The following PIK3R5 variants were observed in gnomAD, a reference collection of about 807,000 sequenced individuals.
PIK3R5 encodes phosphoinositide-3-kinase regulatory subunit 5, also known as phosphoinositide 3-kinase regulatory subunit 5.
PIK3R5 carries 32 observed loss-of-function variants against 94.9 expected under a neutral mutation model. The observed-to-expected ratio is 0.34, with a 90% confidence interval of 0.25 to 0.45. The LOEUF is 0.45. Among genes scored for constraint, PIK3R5 ranks in the 20% least tolerant of loss-of-function variants. The pLI is 1.00. For synonymous variants in PIK3R5, 443 were observed against 479.4 expected (o/e 0.92, Z 0.99); for missense variants, 853 against 1,144.6 (o/e 0.75, Z 3.68).
At chr17:8,950,322 C>T (rs1040634462) in intron 1 of PIK3R5, among the ~76,000 whole-genome samples, 4 of 152,182 alleles carry the variant, frequency 2.6e-5, no homozygotes, top group African/African-American at 4.8e-5. Context: ...ATAAAATTTA[C>T]GATTGTAAGT....
At chr17:8,886,198 C>T in intron 14 of PIK3R5, 31 bp downstream of exon 14, 1 of 1,551,368 alleles carries the variant, frequency 6.4e-7, no homozygotes. Context: ...GGCCCCGCCT[C>T]ACCGTCTGTC....
chr17:8,882,864 A>T lies in PIK3R5; in HGVS notation c.2206-983T>A, dbSNP rs2089714637. ...AGCTCTGCCACCACTACCCTAGTGC[A>T]GGCTGCTGCCCTAATTTCTCTTCTG... On this transcript the variant is annotated intron_variant, in intron 15 of 18. Transcript: ENST00000447110. This position sits in a 1 kb window ranked among gnomAD's most constrained non-coding sequence, Gnocchi z 4.1. Among the ~76,000 whole-genome samples the T allele has an allele frequency of 1.4e-5, 2 of 145,696 alleles. No homozygotes were observed. Among genetic ancestry groups the T allele is most frequent in the South Asian group, 4.4e-4 (2 of 4,514 alleles).
At position 8,911,675 on chromosome 17, in the gene PIK3R5, G is replaced by C; in HGVS notation, c.-13-168C>G. On this transcript the variant is annotated intron_variant, in intron 1 of 18. Transcript: ENST00000447110. The surrounding 1 kb of genome is among the most constrained non-coding windows in gnomAD (Gnocchi z 5.3). ...GGCCTTACAGCTGCCTCCAGGGTAGGAATGGCATCTGGAGGGCCACATCTG... is the reference window on the plus strand; with the variant it reads ...GGCCTTACAGCTGCCTCCAGGGTAGCAATGGCATCTGGAGGGCCACATCTG... The C allele has an allele frequency of 3.5e-6, 2 of 574,272 alleles. No individual in the cohort carries two copies. The highest frequency in any genetic ancestry group is 6.2e-6 in the Non-Finnish European group (2 of 320,276). 35.6% of individuals were successfully genotyped at this position (574,272 alleles called of 1,614,324 possible).
chr17:8,935,826 G>A lies in PIK3R5; in HGVS notation c.-13-24319C>T, dbSNP rs1221461890. Among the ~76,000 whole-genome samples the A allele has an allele frequency of 1.3e-5, 2 of 152,002 alleles. No homozygotes were observed. Among genetic ancestry groups the A allele is most frequent in the Admixed American group, 6.5e-5 (1 of 15,268 alleles). On this transcript the variant is annotated intron_variant, in intron 1 of 18. Coordinates refer to ENST00000447110, the MANE Select transcript of PIK3R5 (RefSeq NM_001142633.3). The surrounding 1 kb of genome is among the most constrained non-coding windows in gnomAD (Gnocchi z 4.5). ...TCCCAGCACTTTGGGAGGCTGAGGC[G>A]GGCGGATCACGAGGTCAGGAGATCG... is the stretch of plus-strand genomic sequence containing the variant.
chr17:8,915,674 G>A (rs1311574653), intron 1 of PIK3R5: 1 of 152,292 alleles, frequency 6.6e-6, no homozygotes, highest in Non-Finnish European at 1.5e-5. Flanking sequence ...AGACCCCTCT[G>A]CCCAGCCCCT....
chr17:8,919,852 CTCTCTTTCTTTCTT>C lies in PIK3R5; in HGVS notation c.-13-8359_-13-8346del, dbSNP rs375379836. Among the ~76,000 whole-genome samples, 669 of 150,644 alleles carry C rather than the reference CTCTCTTTCTTTCTT, an allele frequency of 4.4e-3. 4 individuals carry two copies. The highest frequency in any genetic ancestry group is 0.016 in the African/African-American group (636 of 40,908). ...CTTCCTCTCCTCTCCTTCTCTCTCTCTCTCTTTCTTTCTTTCTCTTTTTTTCTTTTTCCTTCTTT... is the reference window on the plus strand; with the variant it reads ...CTTCCTCTCCTCTCCTTCTCTCTCTCTCTCTTTTTTTCTTTTTCCTTCTTT... On this transcript the variant is annotated intron_variant, in intron 1 of 18. Coordinates refer to ENST00000447110, the MANE Select transcript of PIK3R5 (RefSeq NM_001142633.3).
chr17:8,898,149 C>G (rs1259325890), intron 5 of PIK3R5, among the ~76,000 whole-genome samples: 1 of 152,218 alleles, frequency 6.6e-6, no homozygotes, highest in East Asian at 1.9e-4. Context: ...AGAGGTCTAA[C>G]CTTTCATTCC....
rs2089979356 is a variant in PIK3R5 at position 8,889,854 on chromosome 17, G to A, written c.811+119C>T. On this transcript the variant is annotated intron_variant, in intron 8 of 18. Coordinates refer to ENST00000447110, the MANE Select transcript of PIK3R5 (RefSeq NM_001142633.3). The surrounding 1 kb of genome is among the most constrained non-coding windows in gnomAD (Gnocchi z 4.1). The stretch of plus-strand genomic sequence containing the variant: ...GGCAGAGCAGTGAGATGCTGAAGAA[G>A]CTGAGTCCCTGAGTGACTGTGTGGA... 1 of 998,058 alleles carries A rather than the reference G, an allele frequency of 1.0e-6. No individual in the cohort carries two copies. The highest frequency in any genetic ancestry group is 1.5e-5 in the South Asian group (1 of 68,706). The allele number at this position is 998,058 out of a possible 1,614,324, so 61.8% of individuals were successfully genotyped here.
chr17:8,945,707 A>G lies in PIK3R5; in HGVS notation c.-14+19889T>C, dbSNP rs1208676436. On this transcript the variant is annotated intron_variant, in intron 1 of 18. Transcript: ENST00000447110. The surrounding 1 kb of genome is among the most constrained non-coding windows in gnomAD (Gnocchi z 4.0). Reference sequence around the variant, plus strand: ...AGCTCCCATCCCACCTCTCCTTTACATTACAGCCTTGCCACTTCTCCATCA... The same window carrying G: ...AGCTCCCATCCCACCTCTCCTTTACGTTACAGCCTTGCCACTTCTCCATCA... Among the ~76,000 whole-genome samples, 1 of 152,184 alleles carries G rather than the reference A, an allele frequency of 6.6e-6. No individual in the cohort carries two copies. Among genetic ancestry groups the G allele is most frequent in the Admixed American group, 6.5e-5 (1 of 15,286 alleles).
At chr17:8,943,088 G>A (rs117136461) in intron 1 of PIK3R5, among the ~76,000 whole-genome samples, 31 of 141,292 alleles carry the variant, frequency 2.2e-4, no homozygotes, top group Admixed American at 7.1e-4. Flanking sequence ...TTTTTTTTTC[G>A]TCAGGAGACA....
intron 1 of PIK3R5, chr17:8,915,568 ACT>A (rs2090613944): frequency 6.6e-6 from 1 of 152,132 alleles, no homozygotes; most frequent in African/African-American, 2.4e-5. Context: ...ACCGAGCAAC[ACT>A]CTCTCGGACT....
chr17:8,929,060 A>T (rs928801478), intron 1 of PIK3R5, among the ~76,000 whole-genome samples: 64 of 152,338 alleles, frequency 4.2e-4, no homozygotes, highest in Admixed American at 3.1e-3. Context: ...GTAACAATAT[A>T]TGCAGTGACC....
intron 14 of PIK3R5, among the ~76,000 whole-genome samples, 183 bp downstream of exon 14, chr17:8,886,046 A>C (rs1241483970): frequency 3.4e-5 from 4 of 117,578 alleles, no homozygotes; most frequent in South Asian, 2.8e-4. Flanking sequence ...GGCCCCGCCT[A>C]CCGGGTCACC....
At position 8,932,667 on chromosome 17, in the gene PIK3R5, G is replaced by A. The variant is rs74515490; in HGVS notation, c.-13-21160C>T. Among the ~76,000 whole-genome samples, 369 of 152,230 alleles carry A rather than the reference G, an allele frequency of 2.4e-3. 7 individuals carry two copies. In the East Asian group the frequency reaches 0.064, roughly 26 times the overall value. On this transcript the variant is annotated intron_variant, in intron 1 of 18. Transcript: ENST00000447110. ...AAGAATAAGATCAGTGAACTTAAAC[G>A]ATAGAAACCATTCAAACTAAAATAT...
Position 8,889,896 on chromosome 17 carries a change from C to T in PIK3R5, c.811+77G>A, listed in dbSNP as rs1053232227. ...CTGTGTGGAGCAGAGCCACCAGGCCCGCCTGGACCGTGCACCTTGGGACCT... is the reference window on the plus strand; with the variant it reads ...CTGTGTGGAGCAGAGCCACCAGGCCTGCCTGGACCGTGCACCTTGGGACCT... On this transcript the variant is annotated intron_variant, in intron 8 of 18. Transcript: ENST00000447110. This position sits in a 1 kb window ranked among gnomAD's most constrained non-coding sequence, Gnocchi z 4.1. The T allele has an allele frequency of 8.6e-5, 131 of 1,520,846 alleles. No individual in the cohort carries two copies. Among genetic ancestry groups the T allele is most frequent in the Non-Finnish European group, 1.1e-4 (117 of 1,103,046 alleles). 94.2% of individuals were successfully genotyped at this position (1,520,846 alleles called of 1,614,324 possible).
At position 8,925,384 on chromosome 17, in the gene PIK3R5, T is replaced by C. The variant is rs1007755745; in HGVS notation, c.-13-13877A>G. Among the ~76,000 whole-genome samples the C allele has an allele frequency of 6.6e-6, 1 of 150,386 alleles. No individual in the cohort carries two copies. Among genetic ancestry groups the C allele is most frequent in the Non-Finnish European group, 1.5e-5 (1 of 67,864 alleles). ...GATAGATAGTAGATGGATAGATAGA[T>C]AGATAGTAGATGGAGAGATAGTAGA... is the stretch of plus-strand genomic sequence containing the variant. On this transcript the variant is annotated intron_variant, in intron 1 of 18. Transcript: ENST00000447110. This position sits in a 1 kb window ranked among gnomAD's most constrained non-coding sequence, Gnocchi z 5.1.
chr17:8,915,312 T>A (rs1217416610), intron 1 of PIK3R5, among the ~76,000 whole-genome samples: 3 of 150,988 alleles, frequency 2.0e-5, no homozygotes, highest in African/African-American at 7.3e-5. Context: ...TAATCACAGC[T>A]ACTCGGGAGG....
chr17:8,939,447 C>A (rs1405676496), intron 1 of PIK3R5, among the ~76,000 whole-genome samples: 1 of 152,154 alleles, frequency 6.6e-6, no homozygotes, highest in Non-Finnish European at 1.5e-5. Context: ...ATTTTTAAAT[C>A]ATCAGATTTA....
At chr17:8,908,771 T>C (rs967840711) in intron 3 of PIK3R5, among the ~76,000 whole-genome samples, 1 of 152,196 alleles carries the variant, frequency 6.6e-6, no homozygotes, top group Non-Finnish European at 1.5e-5. Context: ...ATGGATCTTT[T>C]TGAGGAAAGG....
Sources: allele counts gnomAD v4.1 joint callset (sites outside exome capture counted in the v4.1 genomes callset), GRCh38; gene constraint gnomAD v4.1.1; non-coding constraint Gnocchi (gnomAD v3.1); transcripts MANE v1.5; gene names NCBI Gene and HGNC (gene_info 2026-07-23, HGNC 2026-07-21).